The following ADRA1B variants were observed in gnomAD, a reference collection of about 807,000 sequenced individuals.
The protein encoded by ADRA1B is alpha-1B adrenergic receptor.
In ADRA1B, 17 loss-of-function variants were observed where a neutral mutation model predicts 17.9. The ratio of observed to expected loss-of-function variants is 0.95; its 90% confidence interval spans 0.65 to 1.42. ADRA1B has a LOEUF of 1.42. Ranked by LOEUF, ADRA1B falls within the 40% of genes most tolerant of loss-of-function variation. The pLI is 0.00. For missense variants in ADRA1B, 681 were observed against 722.1 expected (o/e 0.94, Z 0.65); for synonymous variants, 366 against 327.6 (o/e 1.12, Z -1.27).
chr5:159,898,056 C>A (rs1292720352), intron 1 of ADRA1B, among the ~76,000 whole-genome samples: 2 of 152,238 alleles, frequency 1.3e-5, no homozygotes, highest in African/African-American at 4.8e-5. Context: ...CCTCACCCTG[C>A]CCAGCCAGGC....
chr5:159,917,215 G>A lies in ADRA1B; in HGVS notation c.310G>A (p.Ala104Thr). ...LSFTVLPFSA[A>T]LEVLGYWVLG... ...CTTCACCGTCCTGCCCTTCTCAGCG[G>A]CCCTAGAGGTGCTCGGCTACTGGGT... is the stretch of plus-strand genomic sequence containing the variant. The change falls in exon 1 of 2, where the codon GCC (alanine) becomes ACC (threonine). Residue 104 changes from alanine to threonine, a missense_variant. By Grantham distance (58) the Ala-to-Thr change is moderately conservative. Coordinates refer to ENST00000306675, the MANE Select transcript of ADRA1B (RefSeq NM_000679.4). 6.2e-7 allele frequency: 1 copy of A among 1,614,154 alleles called. No homozygotes were observed. Among genetic ancestry groups the A allele is most frequent in the Non-Finnish European group, 8.5e-7 (1 of 1,180,040 alleles).
chr5:159,901,419 G>A (rs1340460201), intron 1 of ADRA1B, among the ~76,000 whole-genome samples: 9 of 118,970 alleles, frequency 7.6e-5, no homozygotes, highest in Non-Finnish European at 1.6e-4. Flanking sequence ...GGAGGAGAAG[G>A]GGGAGGGAGA....
chr5:159,921,483 G>A (rs1295281122), intron 1 of ADRA1B, among the ~76,000 whole-genome samples: 1 of 152,238 alleles, frequency 6.6e-6, no homozygotes, highest in Non-Finnish European at 1.5e-5. Flanking sequence ...GTCTCAAGAA[G>A]TGGCTGAGCT....
At chr5:159,902,025 A>G (rs1181989454) in intron 1 of ADRA1B, among the ~76,000 whole-genome samples, 2 of 152,252 alleles carry the variant, frequency 1.3e-5, no homozygotes, top group Non-Finnish European at 2.9e-5. Context: ...TGAAAACAGT[A>G]TCTCCAAAAG....
rs576129700 is a variant in ADRA1B at position 159,938,426 on chromosome 5, G to C, written c.949+20572G>C. 6.6e-5 allele frequency among the ~76,000 whole-genome samples: 10 copies of C among 152,342 alleles called. No homozygotes were observed. In the East Asian group the frequency reaches 1.9e-3, roughly 29 times the overall value. On this transcript the variant is annotated intron_variant, in intron 1 of 1. Transcript: ENST00000306675. ...GGAATATGGAAGACCACTGGGGAGAGATTTCCTAGCCTTTCTCCACCCCAC... is the reference window on the plus strand; with the variant it reads ...GGAATATGGAAGACCACTGGGGAGACATTTCCTAGCCTTTCTCCACCCCAC...
downstream of ADRA1B, among the ~76,000 whole-genome samples, chr5:159,974,093 G>A (rs746290720): frequency 6.6e-6 from 1 of 152,208 alleles, no homozygotes; most frequent in Non-Finnish European, 1.5e-5. Context: ...AGGGGAAAGA[G>A]CCAGTGATTG....
At chr5:159,982,790 C>T in the ADRA1B span, among the ~76,000 whole-genome samples, 1 of 152,194 alleles carries the variant, frequency 6.6e-6, no homozygotes, top group African/African-American at 2.4e-5. Flanking sequence ...CCCTCCGCAA[C>T]ACCTCACTTG....
rs1283783824 is a variant in ADRA1B at position 159,959,751 on chromosome 5, G to A, written c.950-12128G>A. Among the ~76,000 whole-genome samples the A allele has an allele frequency of 2.0e-5, 3 of 151,616 alleles. No homozygotes were observed. The East Asian group carries it at 5.8e-4, about 29-fold the overall frequency. The stretch of plus-strand genomic sequence containing the variant: ...ATATGTGAAGATATCATTACTTCTA[G>A]GAGTTGTCATTTGTAGAAGCAAAAT... On this transcript the variant is annotated intron_variant, in intron 1 of 1. Transcript: ENST00000306675.
chr5:159,941,984 G>A (rs896692817), intron 1 of ADRA1B, among the ~76,000 whole-genome samples: 6 of 148,542 alleles, frequency 4.0e-5, no homozygotes, highest in South Asian at 4.3e-4. Flanking sequence ...GTGCAGTGGC[G>A]CGATCTTGGC....
At chr5:159,869,441 AGTGGATTTCAG>A (rs1753707557) in intron 1 of ADRA1B, 1 of 152,230 alleles carries the variant, frequency 6.6e-6, no homozygotes, top group Admixed American at 6.5e-5. Flanking sequence ...TTACCACAGA[AGTGGATTTCAG>A]TTTTATGTAA....
chr5:159,924,751 AGT>A (rs139874233), intron 1 of ADRA1B, among the ~76,000 whole-genome samples: 10,578 of 152,056 alleles, frequency 0.07, 391 homozygotes, highest in East Asian at 0.13. Flanking sequence ...CCTTTACCTG[AGT>A]GTGTGTGTGG....
chr5:159,979,802 A>G, the ADRA1B span, among the ~76,000 whole-genome samples: 1 of 151,976 alleles, frequency 6.6e-6, no homozygotes, highest in African/African-American at 2.4e-5. Context: ...TGGGAGAAGA[A>G]AGTTGCAGTG....
chr5:159,870,647 G>A (rs903809974), intron 1 of ADRA1B: 3 of 152,204 alleles, frequency 2.0e-5, no homozygotes, highest in Admixed American at 6.5e-5. Context: ...ACCAATCCGG[G>A]TGTGAAGGGA....
chr5:159,882,705 GA>G (rs1328442844), intron 1 of ADRA1B, among the ~76,000 whole-genome samples: 1 of 152,158 alleles, frequency 6.6e-6, no homozygotes. Flanking sequence ...CCAAGCTGCA[GA>G]ACAGGGATGA....
intron 1 of ADRA1B, among the ~76,000 whole-genome samples, chr5:159,958,895 CA>C (rs771105676): frequency 3.9e-5 from 6 of 152,178 alleles, no homozygotes; most frequent in Non-Finnish European, 7.4e-5. Context: ...AAGCATGGAA[CA>C]AATTCAGTCT....
At chr5:159,950,415 T>G (rs1193145301) in intron 1 of ADRA1B, 6 of 730,944 alleles carry the variant, frequency 8.2e-6, no homozygotes, top group Non-Finnish European at 1.4e-5. Flanking sequence ...TGGGGGACTG[T>G]GTGTGGCAGG....
At chr5:159,973,097 T>G (rs1008181884), downstream of ADRA1B, among the ~76,000 whole-genome samples, 6 of 152,144 alleles carry the variant, frequency 3.9e-5, no homozygotes, top group Non-Finnish European at 8.8e-5. Context: ...CGGTCCTAGG[T>G]CTTAGGGTCC....
the ADRA1B span, among the ~76,000 whole-genome samples, chr5:159,982,532 G>T: frequency 1.3e-5 from 2 of 152,200 alleles, no homozygotes; most frequent in East Asian, 1.9e-4. Context: ...TCATTTTTAG[G>T]CTTAGAAAAG....
At chr5:159,894,637 T>G (rs777517537) in intron 1 of ADRA1B, among the ~76,000 whole-genome samples, 1 of 152,160 alleles carries the variant, frequency 6.6e-6, no homozygotes, top group Non-Finnish European at 1.5e-5. Flanking sequence ...TTCAGTGTTA[T>G]GGAGAGGAAT....
Sources: allele counts gnomAD v4.1 joint callset (sites outside exome capture counted in the v4.1 genomes callset), GRCh38; gene constraint gnomAD v4.1.1; transcripts MANE v1.5; gene names NCBI Gene and HGNC (gene_info 2026-07-23, HGNC 2026-07-21).